The following CCDC144A variants were observed in gnomAD, a reference collection of about 807,000 sequenced individuals.
CCDC144A encodes the protein coiled-coil domain containing 144A.
Under a neutral mutation model 143.8 loss-of-function variants are expected in CCDC144A, and 41 were observed. That is an observed-to-expected ratio of 0.29 (90% CI 0.22 to 0.37). CCDC144A has a LOEUF of 0.37. Ranked by LOEUF, CCDC144A falls within the 10% of genes least tolerant of loss-of-function variation. The pLI, the probability that CCDC144A is intolerant of heterozygous loss-of-function variation, is 1.00. For synonymous variants in CCDC144A, 242 were observed against 517.9 expected (o/e 0.47, Z 7.23); for missense variants, 637 against 1,488.8 (o/e 0.43, Z 9.41).
intron 12 of CCDC144A, among the ~76,000 whole-genome samples, chr17:16,755,786 C>T (rs901905715): frequency 3.3e-5 from 5 of 152,294 alleles, no homozygotes; most frequent in African/African-American, 1.2e-4. Context: ...GTCTTGAACT[C>T]CTGAGCTCAA....
chr17:16,727,609 A>AAG lies in CCDC144A; in HGVS notation c.1974_1975insAG (p.Leu659SerfsTer4). On this transcript the variant is annotated frameshift_variant, in exon 9 of 17. Coordinates refer to ENST00000399273, the MANE Select transcript of CCDC144A (RefSeq NM_001382000.1). LOFTEE classifies it high-confidence loss of function. ...AACTTAAGAATAATCACTGTGACCAACTTACAGTAAAACTTAAACAAATGG... is the reference window on the plus strand; with the variant it reads ...AACTTAAGAATAATCACTGTGACCAAAGCTTACAGTAAAACTTAAACAAATGG... The AAG allele has an allele frequency of 7.7e-7, 1 of 1,290,578 alleles. No homozygotes were observed. Among genetic ancestry groups the AAG allele is most frequent in the Non-Finnish European group, 1.1e-6 (1 of 940,604 alleles). 79.9% of individuals were successfully genotyped at this position (1,290,578 alleles called of 1,614,324 possible).
At chr17:16,705,917 A>C (rs1482297879) in intron 3 of CCDC144A, 1 of 160,378 alleles carries the variant, frequency 6.2e-6, no homozygotes, top group Non-Finnish European at 1.4e-5. Flanking sequence ...ATCTCTACTA[A>C]AAATACAAAA....
chr17:16,763,227 T>G (rs1314390662), intron 14 of CCDC144A, among the ~76,000 whole-genome samples: 1 of 151,892 alleles, frequency 6.6e-6, no homozygotes, highest in Non-Finnish European at 1.5e-5. Flanking sequence ...CTCTGATACA[T>G]GGGCCGCAGT....
chr17:16,682,202 G>GGT, the CCDC144A span, among the ~76,000 whole-genome samples: 1,583 of 145,312 alleles, frequency 0.011, 22 homozygotes, highest in East Asian at 0.054. Flanking sequence ...TCTGAAAATG[G>GGT]GTGTGTGTGT....
At position 16,715,268 on chromosome 17, in the gene CCDC144A, A is replaced by AC. The variant is rs1912678982; in HGVS notation, c.1715+3456dup. On this transcript the variant is annotated intron_variant, in intron 6 of 16. Transcript: ENST00000399273. ...TTTATTAAATGAGCAACTGAAGTTT[A>AC]CCCTTCGGTGTATTGTTTTAAACAT... Among the ~76,000 whole-genome samples the AC allele has an allele frequency of 2.0e-5, 3 of 150,122 alleles. No individual in the cohort carries two copies. In the South Asian group the frequency reaches 6.3e-4, roughly 32 times the overall value.
At chr17:16,733,289 CAGG>C (rs1397338854) in intron 11 of CCDC144A, among the ~76,000 whole-genome samples, 1 of 142,182 alleles carries the variant, frequency 7.0e-6, no homozygotes, top group African/African-American at 2.6e-5. Context: ...ATCACGAGGT[CAGG>C]AGATCAAGAC....
At chr17:16,699,889 C>T (rs2621629) in intron 2 of CCDC144A, among the ~76,000 whole-genome samples, 1 of 152,096 alleles carries the variant, frequency 6.6e-6, no homozygotes, top group African/African-American at 2.4e-5. Flanking sequence ...GTGGATATAG[C>T]AGTACAGGAA....
Position 16,690,390 on chromosome 17 carries a change from G to A in CCDC144A, c.-11G>A. The A allele has an allele frequency of 1.3e-6, 2 of 1,521,186 alleles. No individual in the cohort carries two copies. Among genetic ancestry groups the A allele is most frequent in the Non-Finnish European group, 1.8e-6 (2 of 1,135,202 alleles). The allele number at this position is 1,521,186 out of a possible 1,614,324, so 94.2% of individuals were successfully genotyped here. ...CTGGGAGGTTGTGGCCGAGGCAGTA[G>A]CTCGCTACTGATGGCCTCCTGGGGT... is the stretch of plus-strand genomic sequence containing the variant. On this transcript the variant is annotated 5_prime_UTR_variant, in exon 1 of 17. Transcript: ENST00000399273.
chr17:16,671,839 A>G, the CCDC144A span, among the ~76,000 whole-genome samples: 1 of 152,028 alleles, frequency 6.6e-6, no homozygotes, highest in African/African-American at 2.4e-5. Context: ...ACAAGAAAAA[A>G]CCATATGTAT....
the CCDC144A span, among the ~76,000 whole-genome samples, chr17:16,674,125 A>G: frequency 6.6e-6 from 1 of 152,078 alleles, no homozygotes; most frequent in Non-Finnish European, 1.5e-5. Flanking sequence ...AAGTGTTTCA[A>G]CCTTTTGGCT....
At chr17:16,762,587 C>G (rs1434184816) in intron 14 of CCDC144A, 54 bp downstream of exon 14, 1 of 1,472,924 alleles carries the variant, frequency 6.8e-7, no homozygotes, top group African/African-American at 1.4e-5. Flanking sequence ...AATTTGCCTT[C>G]AAAAGCATGA....
At chr17:16,759,991 G>A (rs1179970135) in intron 12 of CCDC144A, among the ~76,000 whole-genome samples, 1 of 152,230 alleles carries the variant, frequency 6.6e-6, no homozygotes, top group African/African-American at 2.4e-5. Flanking sequence ...TACCTGTGCG[G>A]CATTCGAAGC....
At chr17:16,685,858 G>A (rs989804392), upstream of CCDC144A, among the ~76,000 whole-genome samples, 7 of 151,562 alleles carry the variant, frequency 4.6e-5, no homozygotes, top group African/African-American at 1.7e-4. Flanking sequence ...TGCAACCTCC[G>A]CCTCCTTTGT....
chr17:16,737,501 G>A, intron 12 of CCDC144A: 2 of 1,264,884 alleles, frequency 1.6e-6, no homozygotes, highest in Non-Finnish European at 2.1e-6. Context: ...TAATAATAAG[G>A]TGATTTATAA....
At chr17:16,760,214 G>A (rs1156610389) in intron 12 of CCDC144A, among the ~76,000 whole-genome samples, 2 of 151,412 alleles carry the variant, frequency 1.3e-5, no homozygotes, top group Non-Finnish European at 2.9e-5. Flanking sequence ...CGGAGAAACC[G>A]GTTGTCAATG....
intron 12 of CCDC144A, among the ~76,000 whole-genome samples, chr17:16,761,205 G>A (rs1451935900): frequency 2.0e-5 from 3 of 152,014 alleles, no homozygotes; most frequent in Non-Finnish European, 4.4e-5. Context: ...AGGGGTGGTG[G>A]TGGGCACCTG....
chr17:16,759,528 T>C (rs1915259916), intron 12 of CCDC144A, among the ~76,000 whole-genome samples: 1 of 151,760 alleles, frequency 6.6e-6, no homozygotes, highest in South Asian at 2.1e-4. Context: ...AGCTTATCTC[T>C]TGCATTGGTT....
chr17:16,721,252 A>G (rs1913078343), intron 8 of CCDC144A, among the ~76,000 whole-genome samples: 1 of 152,106 alleles, frequency 6.6e-6, no homozygotes, highest in Non-Finnish European at 1.5e-5. Context: ...AATCGTGTGC[A>G]CATTTGAAAC....
intron 2 of CCDC144A, among the ~76,000 whole-genome samples, chr17:16,698,235 T>C (rs1401181200): frequency 2.0e-5 from 3 of 152,132 alleles, no homozygotes; most frequent in Admixed American, 6.5e-5. Flanking sequence ...GCCTGAGCCG[T>C]GGCTAAAGAA....
Sources: allele counts gnomAD v4.1 joint callset (sites outside exome capture counted in the v4.1 genomes callset), GRCh38; gene constraint gnomAD v4.1.1; transcripts MANE v1.5; gene names NCBI Gene and HGNC (gene_info 2026-07-23, HGNC 2026-07-21).